CCSER2: variants seen among roughly 807,000 people sequenced by gnomAD.
CCSER2 encodes coiled-coil serine rich protein 2, also known as serine-rich coiled-coil domain-containing protein 2.
In CCSER2, 46 loss-of-function variants were observed where a neutral mutation model predicts 92.3. The observed-to-expected ratio is 0.50, with a 90% confidence interval of 0.39 to 0.64. The LOEUF (loss-of-function observed/expected upper bound fraction) is 0.64. CCSER2 is among the 30% of genes least tolerant of loss of function. The probability of loss-of-function intolerance (pLI) is 0.00; values close to 1 mark genes in which losing one functional copy is unlikely to be tolerated. For missense variants in CCSER2, 1,244 were observed against 1,238.9 expected, an observed-to-expected ratio of 1.00 and a Z score of -0.06; for synonymous variants, 433 against 431.4, an observed-to-expected ratio of 1.00 and a Z score of -0.04.
rs183782068 is a variant in CCSER2 at position 84,440,245 on chromosome 10, G to A, written c.2064+1538G>A. ...GTCATTATGGCCTCTGAACTCTTAGGTACTACACACGGGTAAAATTGACTT... is the reference window on the plus strand; with the variant it reads ...GTCATTATGGCCTCTGAACTCTTAGATACTACACACGGGTAAAATTGACTT... On this transcript the variant is annotated intron_variant, in intron 6 of 9. Coordinates refer to ENST00000372088, the MANE Select transcript of CCSER2 (RefSeq NM_001284240.2). 3.5e-3 allele frequency among the ~76,000 whole-genome samples: 531 copies of A among 152,178 alleles called. 3 individuals carry two copies. Among genetic ancestry groups the A allele is most frequent in the Non-Finnish European group, 5.4e-3 (370 of 68,004 alleles).
intron 9 of CCSER2, among the ~76,000 whole-genome samples, chr10:84,505,135 A>G (rs189462181): frequency 6.1e-4 from 93 of 152,312 alleles, no homozygotes; most frequent in African/African-American, 2.2e-3. Flanking sequence ...CATTTTATAT[A>G]TATACACACA....
At chr10:84,456,055 A>T (rs1052758918) in intron 6 of CCSER2, 6 of 440,756 alleles carry the variant, frequency 1.4e-5, no homozygotes, top group South Asian at 1.2e-4. Flanking sequence ...TCCAAAGCCT[A>T]GATCGGGCTG....
At chr10:84,352,799 CT>C (rs561119480) in intron 1 of CCSER2, among the ~76,000 whole-genome samples, 55 of 144,470 alleles carry the variant, frequency 3.8e-4, no homozygotes, top group Non-Finnish European at 5.1e-4. Context: ...TGCGATAATT[CT>C]TTTTTTTTTT....
rs547939269 is a variant in CCSER2, at chr10:84,514,744, G to C, written c.*477G>C. 1 of 156,434 alleles carries C rather than the reference G, an allele frequency of 6.4e-6. No individual in the cohort carries two copies. The highest frequency in any genetic ancestry group is 1.4e-5 in the Non-Finnish European group (1 of 70,552). The allele number at this position is 156,434 out of a possible 1,614,324, so 9.7% of individuals were successfully genotyped here. On this transcript the variant is annotated 3_prime_UTR_variant, in exon 10 of 10. Transcript: ENST00000372088. ...GTCTGTAAGCAGAGTTCTGGCCAGT[G>C]TTTTGTATATTTAAAAGGTCTATGC...
intron 1 of CCSER2, among the ~76,000 whole-genome samples, chr10:84,359,499 T>G (rs568938602): frequency 2.6e-5 from 4 of 152,334 alleles, no homozygotes; most frequent in African/African-American, 9.6e-5. Context: ...GAGCACTATA[T>G]CTAAGGTAAG....
chr10:84,449,443 G>T (rs538120093), intron 6 of CCSER2, among the ~76,000 whole-genome samples: 2 of 152,276 alleles, frequency 1.3e-5, no homozygotes, highest in Admixed American at 1.3e-4. Flanking sequence ...CTACTTGTAC[G>T]ATGTTGGAAA....
chr10:84,397,584 A>G (rs1279432243), intron 3 of CCSER2, among the ~76,000 whole-genome samples: 2 of 152,174 alleles, frequency 1.3e-5, no homozygotes, highest in Non-Finnish European at 2.9e-5. Context: ...TTAAATATAT[A>G]TGTTAACTGA....
chr10:84,360,101 C>G lies in CCSER2; in HGVS notation c.-39-10913C>G, dbSNP rs373551550. Among the ~76,000 whole-genome samples the G allele has an allele frequency of 7.6e-4, 115 of 152,274 alleles. 2 individuals carry two copies. The South Asian group carries it at 0.024, about 31-fold the overall frequency. ...GTGCTGGGATGACAGGTGTGAGCCA[C>G]TGTGCCTGGCTGGGGTTTACTTTTT... On this transcript the variant is annotated intron_variant, in intron 1 of 9. Coordinates refer to ENST00000372088, the MANE Select transcript of CCSER2 (RefSeq NM_001284240.2).
At chr10:84,509,191 T>G (rs1190927007) in intron 9 of CCSER2, among the ~76,000 whole-genome samples, 1 of 152,216 alleles carries the variant, frequency 6.6e-6, no homozygotes, top group African/African-American at 2.4e-5. Context: ...TCAGTGTTTA[T>G]TTTTTGAAAC....
intron 3 of CCSER2, among the ~76,000 whole-genome samples, chr10:84,407,534 T>G (rs1204058159): frequency 6.6e-6 from 1 of 152,234 alleles, no homozygotes; most frequent in Non-Finnish European, 1.5e-5. Flanking sequence ...CTCCTCAGTG[T>G]GTTTCATTAC....
rs1308140170 is a variant in CCSER2, at chr10:84,457,231, AATATATT to A, written c.2065-6682_2065-6676del. On this transcript the variant is annotated intron_variant, in intron 6 of 9. Coordinates refer to ENST00000372088, the MANE Select transcript of CCSER2 (RefSeq NM_001284240.2). The stretch of plus-strand genomic sequence containing the variant: ...ATATATATATTACATATTATATATA[AATATATT>A]ATATATTATATATTATATAAAATAT... Among the ~76,000 whole-genome samples the A allele has an allele frequency of 6.8e-3, 628 of 92,142 alleles. 13 individuals are homozygous for A. The highest frequency in any genetic ancestry group is 0.015 in the Middle Eastern group (3 of 206). 60.4% of individuals were successfully genotyped at this position (92,142 alleles called of 152,430 possible).
At chr10:84,511,787 C>T (rs1849359365) in intron 9 of CCSER2, among the ~76,000 whole-genome samples, 1 of 152,042 alleles carries the variant, frequency 6.6e-6, no homozygotes, top group Non-Finnish European at 1.5e-5. Context: ...CTAGGGAACC[C>T]CAGGGAGAAT....
At chr10:84,437,699 A>C (rs1030611854) in intron 5 of CCSER2, among the ~76,000 whole-genome samples, 1 of 149,176 alleles carries the variant, frequency 6.7e-6, no homozygotes, top group Non-Finnish European at 1.5e-5. Flanking sequence ...AATGTAAAAA[A>C]TTTTAGAGTA....
intron 1 of CCSER2, among the ~76,000 whole-genome samples, chr10:84,336,656 G>A (rs916860417): frequency 1.1e-4 from 16 of 152,174 alleles, no homozygotes; most frequent in Non-Finnish European, 1.8e-4. Context: ...TGGTAGATGA[G>A]GTCAGAGAGG....
intron 1 of CCSER2, among the ~76,000 whole-genome samples, chr10:84,352,537 C>G (rs1460473798): frequency 6.6e-6 from 1 of 151,666 alleles, no homozygotes; most frequent in Non-Finnish European, 1.5e-5. Flanking sequence ...GGCAAGGTTT[C>G]TGTATATATA....
intron 7 of CCSER2, among the ~76,000 whole-genome samples, chr10:84,469,780 G>T (rs1415410100): frequency 6.6e-6 from 1 of 152,046 alleles, no homozygotes; most frequent in East Asian, 1.9e-4. Context: ...AATTGAGAAG[G>T]TGTTCTCTCT....
chr10:84,333,344 T>G (rs555220368), intron 1 of CCSER2, among the ~76,000 whole-genome samples: 1 of 152,268 alleles, frequency 6.6e-6, no homozygotes, highest in East Asian at 1.9e-4. Context: ...GGCATGGAGT[T>G]TCTTACCTAA....
intron 4 of CCSER2, chr10:84,425,080 G>A (rs1432185655): frequency 1.0e-6 from 1 of 967,078 alleles, no homozygotes; most frequent in Admixed American, 6.2e-5. Context: ...GTTTCAAAGA[G>A]ATTCTTTTCG....
intron 1 of CCSER2, among the ~76,000 whole-genome samples, chr10:84,351,229 T>TTTTTTTG (rs1333347478): frequency 6.6e-6 from 1 of 151,788 alleles, no homozygotes; most frequent in Middle Eastern, 3.2e-3. Flanking sequence ...TAGGGAGAAG[T>TTTTTTTG]TTTTTTGTTT....
Sources: allele counts gnomAD v4.1 joint callset (sites outside exome capture counted in the v4.1 genomes callset), GRCh38; gene constraint gnomAD v4.1.1; transcripts MANE v1.5; gene names NCBI Gene and HGNC (gene_info 2026-07-23, HGNC 2026-07-21).